AXIN1: variants seen among roughly 807,000 people sequenced by gnomAD.
AXIN1 encodes axin 1.
A neutral mutation model predicts 76.4 loss-of-function variants in AXIN1; 30 were observed. The observed-to-expected ratio is 0.39, with a 90% CI of 0.29 to 0.53. The LOEUF (loss-of-function observed/expected upper bound fraction) is 0.53. AXIN1 is among the 20% of genes least tolerant of loss of function. The pLI is 0.66. For synonymous variants in AXIN1, 545 were observed against 501.4 expected, an observed-to-expected ratio of 1.09 and a Z score of -1.16; for missense variants, 1,140 against 1,198.8, an observed-to-expected ratio of 0.95 and a Z score of 0.72.
rs1029051298 is a variant in AXIN1, at chr16:291,445, C to G, written c.2187-148G>C. On this transcript the variant is annotated intron_variant, in intron 8 of 10. Transcript: ENST00000262320. ...CGCAGGCTCCAGTTTGCAGGGTAGA[C>G]AAGACACCGAGTCCCCTCCTAGGCC... 4 of 712,914 alleles carry G rather than the reference C, an allele frequency of 5.6e-6. No homozygotes were observed. The African/African-American group carries it at 7.0e-5, about 12-fold the overall frequency. 44.2% of individuals were successfully genotyped at this position (712,914 alleles called of 1,614,324 possible). A position where few individuals can be genotyped will look rare whatever the true frequency, so the allele number is the denominator to read the frequency against.
At chr16:288,546 G>A in intron 10 of AXIN1, among the ~76,000 whole-genome samples, 1 of 150,904 alleles carries the variant, frequency 6.6e-6, no homozygotes, top group Non-Finnish European at 1.5e-5. Flanking sequence ...ACGGGTGTGG[G>A]GTGTCTGCTT....
rs140809342 is a variant in AXIN1 at position 304,411 on chromosome 16, C to G, written c.1147G>C (p.Val383Leu). ...TCCTCCGCGAACTTCTGAGGCTCCA[C>G]GCGGACCTCCTTCGGCACCCGGTAC... ...RTYRVPKEVR[V>L]EPQKFAEELI... The change falls in exon 5 of 11, where the codon GTG becomes CTG. Residue 383 changes from valine (V) to leucine (L), a missense_variant. Transcript: ENST00000262320. 6.2e-7 allele frequency: 1 copy of G among 1,612,778 alleles called. No individual in the cohort carries two copies. Among genetic ancestry groups the G allele is most frequent in the South Asian group, 1.1e-5 (1 of 91,088 alleles).
intron 4 of AXIN1, among the ~76,000 whole-genome samples, chr16:306,857 T>G (rs144495409): frequency 2.6e-4 from 40 of 152,110 alleles, no homozygotes; most frequent in East Asian, 1.2e-3. Context: ...TGGAAGATGA[T>G]GAGGAAGGCT....
At chr16:311,948 C>T (rs567831058) in intron 3 of AXIN1, among the ~76,000 whole-genome samples, 143 of 152,342 alleles carry the variant, frequency 9.4e-4, no homozygotes, top group South Asian at 4.8e-3. Flanking sequence ...TCGGCTGTCA[C>T]AGCACCACTG....
chr16:344,664 T>A (rs1232598985), intron 2 of AXIN1, among the ~76,000 whole-genome samples: 1 of 151,922 alleles, frequency 6.6e-6, no homozygotes, highest in Non-Finnish European at 1.5e-5. Flanking sequence ...AATTTTTGTA[T>A]TTTTAGTAGA....
At chr16:345,638 C>T (rs2141697866) in intron 2 of AXIN1, among the ~76,000 whole-genome samples, 1 of 151,874 alleles carries the variant, frequency 6.6e-6, no homozygotes, top group African/African-American at 2.4e-5. Context: ...CGCTCAAACC[C>T]GGGAGGCGAA....
chr16:324,570 C>T (rs537926389), intron 2 of AXIN1, among the ~76,000 whole-genome samples: 2 of 152,332 alleles, frequency 1.3e-5, no homozygotes, highest in African/African-American at 4.8e-5. Flanking sequence ...AGAAAACGCC[C>T]GCAGGTGGTC....
At chr16:311,189 C>T (rs2053168447) in intron 3 of AXIN1, among the ~76,000 whole-genome samples, 1 of 151,830 alleles carries the variant, frequency 6.6e-6, no homozygotes, top group African/African-American at 2.4e-5. Flanking sequence ...GCCACCACGC[C>T]CGGCTAATTT....
chr16:297,401 C>T (rs571046606), intron 6 of AXIN1, among the ~76,000 whole-genome samples, 175 bp from the exon 7 acceptor site: 2 of 152,158 alleles, frequency 1.3e-5, no homozygotes, highest in Non-Finnish European at 1.5e-5. Flanking sequence ...GTCCCCCACC[C>T]GCTGTCCCCT....
chr16:329,272 C>CAAA (rs1176095680), intron 2 of AXIN1, among the ~76,000 whole-genome samples: 47 of 71,196 alleles, frequency 6.6e-4, no homozygotes, highest in African/African-American at 1.6e-3. Context: ...GCGAGACTGT[C>CAAA]AAAAAAAAAA....
chr16:344,079 G>A (rs1232565054), intron 2 of AXIN1, among the ~76,000 whole-genome samples: 9 of 151,860 alleles, frequency 5.9e-5, no homozygotes, highest in Non-Finnish European at 1.0e-4. Flanking sequence ...ATAACTTTGC[G>A]GCATATTGTG....
At chr16:291,144 A>T (rs1249446137) in intron 9 of AXIN1, 46 bp downstream of exon 9, 1 of 1,536,996 alleles carries the variant, frequency 6.5e-7, no homozygotes. Context: ...TTGGGACGCC[A>T]GGGCTGGGGT....
rs2141515706 is a variant in AXIN1, at chr16:298,184, G to A, written c.1322C>T (p.Ala441Val). Residue 441 changes from alanine to valine, a missense_variant, in exon 6 of 11, where the codon GCC (alanine) becomes GTC (valine). By Grantham distance (64) the Ala-to-Val change is moderately conservative (BLOSUM62 0). This residue lies in a region of AXIN1 where 708 missense variants were observed against 776.9 expected (regional missense o/e 0.91). Coordinates refer to ENST00000262320, the MANE Select transcript of AXIN1 (RefSeq NM_003502.4). ...GGGCGGGAAGTGGTGCCAAGCGGGG[G>A]CGGGAGGCAGCTTGTGACACGGCCC... ...PPGPCHKLPPAPAWHHFPPRC... is the reference protein window; with the variant it reads ...PPGPCHKLPPVPAWHHFPPRC... 6.5e-7 allele frequency: 1 copy of A among 1,542,090 alleles called. No individual in the cohort carries two copies. Among genetic ancestry groups the A allele is most frequent in the South Asian group, 1.2e-5 (1 of 84,180 alleles).
intron 1 of AXIN1, among the ~76,000 whole-genome samples, chr16:347,819 CGGACACCGTCACT>C (rs1218336561): frequency 1.3e-5 from 2 of 152,174 alleles, no homozygotes; most frequent in African/African-American, 4.8e-5. Flanking sequence ...CAGAGGCGCT[CGGACACCGTCACT>C]GGAGACAATC....
rs558295007 is a variant in AXIN1, at chr16:293,479, C to T, written c.2186+9G>A. On this transcript the variant is annotated intron_variant, in intron 8 of 10. Transcript: ENST00000262320. This position sits in a 1 kb window ranked among gnomAD's most constrained non-coding sequence, Gnocchi z 4.6. Reference sequence around the variant, plus strand: ...CCAAGACCCACCCCACCCCACGACGCGGCCGTACCTCTGCTTGGAGGGTGC... The same window carrying T: ...CCAAGACCCACCCCACCCCACGACGTGGCCGTACCTCTGCTTGGAGGGTGC... 24 of 1,607,752 alleles carry T rather than the reference C, an allele frequency of 1.5e-5. 1 individual carries two copies. The highest frequency in any genetic ancestry group is 2.2e-4 in the Middle Eastern group (1 of 4,468).
chr16:288,719 G>A (rs1291198142), intron 10 of AXIN1, among the ~76,000 whole-genome samples: 1 of 152,252 alleles, frequency 6.6e-6, no homozygotes, highest in Non-Finnish European at 1.5e-5. Context: ...TCACCGCCCA[G>A]TGCTCACTCG....
chr16:294,006 G>A (rs1033872055), intron 7 of AXIN1, among the ~76,000 whole-genome samples: 2 of 152,004 alleles, frequency 1.3e-5, no homozygotes, highest in Admixed American at 6.6e-5. Flanking sequence ...AAACCTCATC[G>A]CTACTAAATA....
At position 322,941 on chromosome 16, in the gene AXIN1, C is replaced by A. The variant is rs571014322; in HGVS notation, c.879-8258G>T. On this transcript the variant is annotated intron_variant, in intron 2 of 10. Transcript: ENST00000262320. The stretch of plus-strand genomic sequence containing the variant: ...CATGTCCAGGGAAGGGGCTCTGGCA[C>A]CAGATGGCAGGGAGCGGTCACCTGG... Among the ~76,000 whole-genome samples, 3 of 152,320 alleles carry A rather than the reference C, an allele frequency of 2.0e-5. No homozygotes were observed. The South Asian group carries it at 6.2e-4, about 32-fold the overall frequency.
At chr16:312,823 C>T (rs2053213442) in intron 3 of AXIN1, among the ~76,000 whole-genome samples, 1 of 152,244 alleles carries the variant, frequency 6.6e-6, no homozygotes, top group Non-Finnish European at 1.5e-5. Flanking sequence ...GGTTCAGAAA[C>T]AGAATGTGAC....
Sources: allele counts gnomAD v4.1 joint callset (sites outside exome capture counted in the v4.1 genomes callset), GRCh38; gene constraint gnomAD v4.1.1; regional missense constraint gnomAD v4.1.1; non-coding constraint Gnocchi (gnomAD v3.1); transcripts MANE v1.5; gene names NCBI Gene and HGNC (gene_info 2026-07-23, HGNC 2026-07-21).